Variants in SCAMP5 observed in about 807,000 individuals in gnomAD.
SCAMP5 encodes secretory carrier membrane protein 5.
Under a neutral mutation model 28.3 loss-of-function variants are expected in SCAMP5, and 7 were observed. That is an observed-to-expected ratio of 0.25 (90% confidence interval 0.14 to 0.46). The LOEUF (loss-of-function observed/expected upper bound fraction) is 0.46. Ranked by LOEUF, SCAMP5 falls within the 20% of genes least tolerant of loss-of-function variation. The probability of loss-of-function intolerance (pLI) is 0.99; values close to 1 mark genes in which losing one functional copy is unlikely to be tolerated. For synonymous variants in SCAMP5, 117 were observed against 116.4 expected (o/e 1.00, Z -0.03); for missense variants, 192 against 312.5 (o/e 0.61, Z 2.91).
In SCAMP5 at chr15:75,012,808, G is replaced by T; in HGVS notation, c.136+3G>T. On this transcript the variant is annotated splice_donor_region_variant and intron_variant, in intron 3 of 6. Transcript: ENST00000425597. ...GCGCCTCTACTACCTCTGGATGTGT[G>T]AGTGCCATGGGATGGGGGTGGGCCA... 1 of 1,614,028 alleles carries T rather than the reference G, an allele frequency of 6.2e-7. No homozygotes were observed. The highest frequency in any genetic ancestry group is 8.5e-7 in the Non-Finnish European group (1 of 1,179,868).
intron 1 of SCAMP5, among the ~76,000 whole-genome samples, chr15:75,000,878 C>T (rs938703993): frequency 2.6e-5 from 4 of 152,042 alleles, no homozygotes; most frequent in African/African-American, 9.7e-5. Flanking sequence ...CTCTTTCGTT[C>T]CTTAAGTATG....
intron 1 of SCAMP5, among the ~76,000 whole-genome samples, chr15:75,002,967 C>T (rs2065723379): frequency 6.6e-6 from 1 of 152,126 alleles, no homozygotes; most frequent in Admixed American, 6.6e-5. Context: ...CTGGCTCTGT[C>T]ACTCAGGCTA....
chr15:75,000,053 A>G (rs1342599087), intron 1 of SCAMP5, among the ~76,000 whole-genome samples: 1 of 152,236 alleles, frequency 6.6e-6, no homozygotes, highest in African/African-American at 2.4e-5. Context: ...GAAAGCCAAC[A>G]AAATCCACCA....
In SCAMP5 at chr15:75,018,061, A is replaced by G. The variant is rs1241104366; in HGVS notation, c.395+90A>G. The G allele has an allele frequency of 1.3e-6, 1 of 794,604 alleles. No homozygotes were observed. Among genetic ancestry groups the G allele is most frequent in the Middle Eastern group, 3.2e-4 (1 of 3,112 alleles). The allele number at this position is 794,604 out of a possible 1,614,324, so 49.2% of individuals were successfully genotyped here. On this transcript the variant is annotated intron_variant, in intron 5 of 6. Coordinates refer to ENST00000425597, the MANE Select transcript of SCAMP5 (RefSeq NM_138967.4). The surrounding 1 kb of genome is among the most constrained non-coding windows in gnomAD (Gnocchi z 5.6). ...CTTTGTGTGCTAAGCTGTCTAGCCT[A>G]TGGGGCCTGAGTGATGGGTTGTTGG...
At chr15:75,013,253 G>A (rs2065828503) in intron 3 of SCAMP5, 1 of 159,600 alleles carries the variant, frequency 6.3e-6, no homozygotes, top group Admixed American at 6.2e-5. Flanking sequence ...TGCTCAAAGA[G>A]AGGAGGATTC....
chr15:75,012,437 A>G (rs555753937), intron 2 of SCAMP5, among the ~76,000 whole-genome samples: 1 of 152,356 alleles, frequency 6.6e-6, no homozygotes, highest in East Asian at 1.9e-4. Flanking sequence ...ATTAAAAAAT[A>G]ATAAATGCTG....
chr15:75,017,926 T>A lies in SCAMP5; in HGVS notation c.350T>A (p.Val117Asp). 1 of 1,613,892 alleles carries A rather than the reference T, an allele frequency of 6.2e-7. No homozygotes were observed. The highest frequency in any genetic ancestry group is 8.5e-7 in the Non-Finnish European group (1 of 1,179,810). ...AFFFTFMAQLVISIIQAVGIP... is the reference protein window; with the variant it reads ...AFFFTFMAQLDISIIQAVGIP... ...TTCTTTACCTTCATGGCTCAGTTGG[T>A]CATCAGCATCATCCAGGCCGTGGGC... Residue 117 changes from valine (V) to aspartate (D), a missense_variant, in exon 5 of 7, where the codon GTC becomes GAC. Transcript: ENST00000425597.
intron 1 of SCAMP5, among the ~76,000 whole-genome samples, chr15:75,002,961 C>T (rs1292954374): frequency 1.3e-5 from 2 of 152,114 alleles, no homozygotes; most frequent in African/African-American, 4.8e-5. Flanking sequence ...TTGAGTCTGG[C>T]TCTGTCACTC....
Position 75,012,530 on chromosome 15 carries a change from G to A in SCAMP5, c.8-147G>A, listed in dbSNP as rs896259840. On this transcript the variant is annotated intron_variant, in intron 2 of 6. Transcript: ENST00000425597. ...ACTTTGGGATCATCACAGCTGACCCGGGGAGGTAGGGACGGCTGGGTGGGG... is the reference window on the plus strand; with the variant it reads ...ACTTTGGGATCATCACAGCTGACCCAGGGAGGTAGGGACGGCTGGGTGGGG... 3.5e-5 allele frequency: 29 copies of A among 838,320 alleles called. No individual in the cohort carries two copies. In the African/African-American group the frequency reaches 4.2e-4, roughly 12 times the overall value. 51.9% of individuals were successfully genotyped at this position (838,320 alleles called of 1,614,324 possible).
At chr15:75,005,460 CAA>C (rs762990882) in intron 1 of SCAMP5, among the ~76,000 whole-genome samples, 17 of 97,788 alleles carry the variant, frequency 1.7e-4, no homozygotes, top group Admixed American at 2.2e-4. Context: ...AACTCCGTTT[CAA>C]AAAAAAAAAA....
Position 75,019,629 on chromosome 15 carries a change from A to C in SCAMP5, c.*646A>C, listed in dbSNP as rs77976994. 2.6e-5 allele frequency: 4 copies of C among 152,884 alleles called. No homozygotes were observed. The highest frequency in any genetic ancestry group is 4.1e-4 in the South Asian group (2 of 4,822). The allele number at this position is 152,884 out of a possible 1,614,324, so 9.5% of individuals were successfully genotyped here. ...ATCTTCCCTTGCCCATGGTCTGTCT[A>C]TCTCTTTCCTATGTGGCTTTTCTTT... On this transcript the variant is annotated 3_prime_UTR_variant, in exon 7 of 7. Transcript: ENST00000425597.
intron 3 of SCAMP5, chr15:75,013,022 T>A: frequency 1.7e-6 from 1 of 573,830 alleles, no homozygotes; most frequent in Non-Finnish European, 3.1e-6. Context: ...ACCTCCCCCA[T>A]CTAGGCCTCT....
chr15:75,016,195 T>C (rs2065857853), intron 3 of SCAMP5, among the ~76,000 whole-genome samples: 1 of 152,178 alleles, frequency 6.6e-6, no homozygotes, highest in African/African-American at 2.4e-5. Flanking sequence ...TCTACCACCC[T>C]GAGGCTTTGG....
chr15:75,004,014 C>T (rs923998864), intron 1 of SCAMP5, among the ~76,000 whole-genome samples: 1 of 152,026 alleles, frequency 6.6e-6, no homozygotes, highest in Non-Finnish European at 1.5e-5. Flanking sequence ...AAGCGATTCT[C>T]CTGCGTCAGC....
At chr15:75,005,788 G>A (rs1034713716) in intron 1 of SCAMP5, among the ~76,000 whole-genome samples, 2 of 151,994 alleles carry the variant, frequency 1.3e-5, no homozygotes, top group African/African-American at 4.8e-5. Flanking sequence ...GCAGTGGCGC[G>A]ATCTCGTCTT....
intron 1 of SCAMP5, among the ~76,000 whole-genome samples, chr15:75,007,354 G>A (rs1882537169): frequency 6.6e-6 from 1 of 152,118 alleles, no homozygotes; most frequent in Non-Finnish European, 1.5e-5. Flanking sequence ...CCAGCAGTAA[G>A]AGTAAACTTG....
chr15:75,016,622 G>A lies in SCAMP5; in HGVS notation c.166G>A (p.Val56Met). 6.2e-7 allele frequency: 1 copy of A among 1,613,700 alleles called. No homozygotes were observed. Among genetic ancestry groups the A allele is most frequent in the Non-Finnish European group, 8.5e-7 (1 of 1,179,868 alleles). Residue 56 changes from valine to methionine, a missense_variant, in exon 4 of 7, where the codon GTG becomes ATG. Coordinates refer to ENST00000425597, the MANE Select transcript of SCAMP5 (RefSeq NM_138967.4). ...CAGCGTCACGCTGGCCGTGAACCTG[G>A]TGGGCTGTCTCGCGTGGCTGATCGG... The part of the protein sequence containing the change: ...LNSVTLAVNL[V>M]GCLAWLIGGG...
chr15:75,009,312 C>G (rs558232092), intron 1 of SCAMP5, among the ~76,000 whole-genome samples: 30 of 152,262 alleles, frequency 2.0e-4, no homozygotes, highest in Admixed American at 1.6e-3. Context: ...CCCTTCTCTT[C>G]TCTTTTTGTG....
intron 1 of SCAMP5, 100 bp downstream of exon 1, chr15:74,995,773 A>C (rs1003935197): frequency 6.6e-6 from 1 of 152,550 alleles, no homozygotes; most frequent in African/African-American, 2.4e-5. Context: ...TTCCTCCTAC[A>C]CTTCACCTTT....
Sources: gnomAD v4.1 joint callset for allele counts (sites outside exome capture counted in the v4.1 genomes callset) on GRCh38, gnomAD v4.1.1 for gene constraint, Gnocchi (gnomAD v3.1) non-coding constraint, MANE v1.5 for transcripts, NCBI Gene and HGNC (gene_info 2026-07-23, HGNC 2026-07-21) for gene names.